Variants in MAML3 observed in about 807,000 individuals in gnomAD.
MAML3 encodes the protein mastermind like transcriptional coactivator 3, also known as mastermind-like protein 3.
Under a neutral mutation model 101.9 loss-of-function variants are expected in MAML3, and 27 were observed. The ratio of observed to expected loss-of-function variants is 0.27; its 90% CI spans 0.20 to 0.37. MAML3 has a LOEUF of 0.37. Among genes scored for constraint, MAML3 ranks in the 10% least tolerant of loss-of-function variants. MAML3 has a pLI of 1.00. For missense variants in MAML3, 1,316 were observed against 1,444.9 expected (o/e 0.91, Z 1.45); for synonymous variants, 501 against 555.9 (o/e 0.90, Z 1.39).
At chr4:140,055,340 A>G (rs1483284041) in intron 1 of MAML3, among the ~76,000 whole-genome samples, 1 of 152,202 alleles carries the variant, frequency 6.6e-6, no homozygotes, top group East Asian at 1.9e-4. Flanking sequence ...ATGATAAACC[A>G]CCAGCACTAA....
chr4:140,033,294 C>T (rs904067480), intron 1 of MAML3, among the ~76,000 whole-genome samples: 2 of 151,900 alleles, frequency 1.3e-5, no homozygotes, highest in African/African-American at 2.4e-5. Context: ...GAATAGAGGC[C>T]GTAATTAATT....
intron 3 of MAML3, 66 bp downstream of exon 3, chr4:139,730,350 C>G: frequency 1.4e-6 from 2 of 1,414,028 alleles, no homozygotes; most frequent in Non-Finnish European, 1.9e-6. Flanking sequence ...TCCTCACAGG[C>G]AGCAGGCAGG....
At chr4:139,842,583 A>G (rs1731380244) in intron 2 of MAML3, among the ~76,000 whole-genome samples, 1 of 151,808 alleles carries the variant, frequency 6.6e-6, no homozygotes, top group African/African-American at 2.4e-5. Context: ...CAGTGGTGCA[A>G]TCTTGGCTCA....
At chr4:139,955,356 C>G (rs1733899149) in intron 1 of MAML3, among the ~76,000 whole-genome samples, 1 of 151,258 alleles carries the variant, frequency 6.6e-6, no homozygotes. Flanking sequence ...TTTCTCTGTA[C>G]AACAGATTAG....
At chr4:139,866,286 T>C (rs1192240919) in intron 2 of MAML3, among the ~76,000 whole-genome samples, 1 of 152,200 alleles carries the variant, frequency 6.6e-6, no homozygotes, top group Non-Finnish European at 1.5e-5. Flanking sequence ...GCTCCACAAA[T>C]GTTAGGGAGG....
intron 2 of MAML3, among the ~76,000 whole-genome samples, chr4:139,870,738 C>T (rs925164416): frequency 6.6e-6 from 1 of 152,142 alleles, no homozygotes; most frequent in Admixed American, 6.5e-5. Context: ...ACCTCCTGGA[C>T]TCAAGAGATC....
chr4:139,802,578 T>TA (rs574898624), intron 2 of MAML3, among the ~76,000 whole-genome samples: 158 of 151,628 alleles, frequency 1.0e-3, no homozygotes, highest in South Asian at 3.1e-3. Flanking sequence ...CCCTATTTCT[T>TA]AAAAAAAAAG....
chr4:139,809,777 T>C (rs1384229748), intron 2 of MAML3, among the ~76,000 whole-genome samples: 1 of 152,106 alleles, frequency 6.6e-6, no homozygotes, highest in African/African-American at 2.4e-5. Flanking sequence ...CCCACCTTCC[T>C]GACTCCCACC....
chr4:140,074,552 C>A (rs541620817), intron 1 of MAML3, among the ~76,000 whole-genome samples: 24 of 152,276 alleles, frequency 1.6e-4, no homozygotes, highest in African/African-American at 5.8e-4. Flanking sequence ...CATGACAGGT[C>A]GCAGTCAAAA....
Position 139,719,156 on chromosome 4 carries a change from G to A in MAML3, c.*167C>T, listed in dbSNP as rs1021618737. ...GTGAAAATCAGGTGAAATGAGGCCT[G>A]GTGGGGCTGTGGATTGGCACCTGGA... On this transcript the variant is annotated 3_prime_UTR_variant, in exon 5 of 5. Coordinates refer to ENST00000509479, the MANE Select transcript of MAML3 (RefSeq NM_018717.5). 117 of 707,356 alleles carry A rather than the reference G, an allele frequency of 1.7e-4. No homozygotes were observed. The highest frequency in any genetic ancestry group is 6.8e-4 in the Admixed American group (21 of 30,858). The allele number at this position is 707,356 out of a possible 1,614,324, so 43.8% of individuals were successfully genotyped here. A position where few individuals can be genotyped will look rare whatever the true frequency, so the allele number is the denominator to read the frequency against.
At chr4:140,071,528 T>A (rs750252934) in intron 1 of MAML3, among the ~76,000 whole-genome samples, 1 of 152,142 alleles carries the variant, frequency 6.6e-6, no homozygotes, top group Non-Finnish European at 1.5e-5. Flanking sequence ...AGACATCTAC[T>A]TTTTTAATGT....
At chr4:139,895,413 T>C (rs781476283) in intron 1 of MAML3, among the ~76,000 whole-genome samples, 1 of 152,228 alleles carries the variant, frequency 6.6e-6, no homozygotes, top group African/African-American at 2.4e-5. Flanking sequence ...GGAAAACTTA[T>C]TTAACCTCTC....
intron 3 of MAML3, 112 bp downstream of exon 3, chr4:139,730,304 C>A: frequency 1.1e-6 from 1 of 925,862 alleles, no homozygotes; most frequent in South Asian, 1.6e-5. Context: ...AAATGCTAGA[C>A]CGTGAGCATC....
Position 139,757,762 on chromosome 4 carries a change from C to T in MAML3, c.2080-27095G>A, listed in dbSNP as rs111724335. 7.7e-3 allele frequency among the ~76,000 whole-genome samples: 1,166 copies of T among 152,178 alleles called. 14 individuals are homozygous for T. The highest frequency in any genetic ancestry group is 0.027 in the African/African-American group (1,116 of 41,514). On this transcript the variant is annotated intron_variant, in intron 2 of 4. Transcript: ENST00000509479. ...GCCCCCATGCTACCTCTGATCCTAC[C>T]AGACTATTTGTATTTGGCTGAATGT...
At chr4:140,150,783 T>C (rs1185938503) in intron 1 of MAML3, among the ~76,000 whole-genome samples, 1 of 150,670 alleles carries the variant, frequency 6.6e-6, no homozygotes, top group African/African-American at 2.4e-5. Flanking sequence ...GAGAAATAGG[T>C]TGGAGAAAGG....
At chr4:139,806,772 T>A (rs901136159) in intron 2 of MAML3, among the ~76,000 whole-genome samples, 2 of 152,328 alleles carry the variant, frequency 1.3e-5, no homozygotes, top group African/African-American at 4.8e-5. Context: ...TTATAAAGAA[T>A]GTTAAATGAC....
At chr4:140,027,075 AGAC>A (rs1726838259) in intron 1 of MAML3, among the ~76,000 whole-genome samples, 1 of 151,994 alleles carries the variant, frequency 6.6e-6, no homozygotes, top group South Asian at 2.1e-4. Context: ...AAAAAAAAAA[AGAC>A]AGGTTCTGTT....
intron 2 of MAML3, among the ~76,000 whole-genome samples, chr4:139,827,737 A>C (rs994453511): frequency 1.3e-5 from 2 of 152,266 alleles, no homozygotes; most frequent in African/African-American, 4.8e-5. Context: ...TGTGGTTATA[A>C]ATGACTTACT....
rs554541125 is a variant in MAML3 at position 139,735,472 on chromosome 4, G to T, written c.2080-4805C>A. Reference sequence around the variant, plus strand: ...GTAGGGGGGCAGTGGCGACCTCCGGGGGGGGAGGGTGGCGGACACCAGACC... The same window carrying T: ...GTAGGGGGGCAGTGGCGACCTCCGGTGGGGGAGGGTGGCGGACACCAGACC... On this transcript the variant is annotated intron_variant, in intron 2 of 4. Transcript: ENST00000509479. This position sits in a 1 kb window ranked among gnomAD's most constrained non-coding sequence, Gnocchi z 5.8. 1.1e-4 allele frequency among the ~76,000 whole-genome samples: 17 copies of T among 151,778 alleles called. No individual in the cohort carries two copies. The highest frequency in any genetic ancestry group is 2.7e-4 in the African/African-American group (11 of 41,340).
Sources: allele counts gnomAD v4.1 joint callset (sites outside exome capture counted in the v4.1 genomes callset), GRCh38; gene constraint gnomAD v4.1.1; non-coding constraint Gnocchi (gnomAD v3.1); transcripts MANE v1.5; gene names NCBI Gene and HGNC (gene_info 2026-07-23, HGNC 2026-07-21).